The following RAB11FIP3 variants were observed in gnomAD, a reference collection of about 807,000 sequenced individuals.
The protein encoded by RAB11FIP3 is rab11 family-interacting protein 3.
In RAB11FIP3, 17 loss-of-function variants were observed where a neutral mutation model predicts 77.8. The ratio of observed to expected loss-of-function variants is 0.22; its 90% confidence interval spans 0.15 to 0.33. The LOEUF (loss-of-function observed/expected upper bound fraction) is 0.33. RAB11FIP3 is among the 10% of genes least tolerant of loss of function. The pLI is 1.00. For synonymous variants in RAB11FIP3, 437 were observed against 448.2 expected (o/e 0.98, Z 0.31); for missense variants, 1,005 against 1,011.2 (o/e 0.99, Z 0.08).
intron 5 of RAB11FIP3, chr16:491,231 G>C (rs1488974602): frequency 7.7e-7 from 1 of 1,304,760 alleles, no homozygotes; most frequent in Non-Finnish European, 1.0e-6. Flanking sequence ...CCGCCTTGAG[G>C]ATCTTTCTGC....
At chr16:454,413 C>CA (rs1268866067) in intron 1 of RAB11FIP3, among the ~76,000 whole-genome samples, 1 of 152,084 alleles carries the variant, frequency 6.6e-6, no homozygotes, top group East Asian at 1.9e-4. Flanking sequence ...CGCCTCCCTA[C>CA]AAAAAATACA....
intron 4 of RAB11FIP3, among the ~76,000 whole-genome samples, chr16:483,857 C>T (rs2056096719): frequency 6.6e-6 from 1 of 152,072 alleles, no homozygotes; most frequent in African/African-American, 2.4e-5. Flanking sequence ...AAACAACTGC[C>T]AGTCAGAAGA....
intron 4 of RAB11FIP3, among the ~76,000 whole-genome samples, chr16:484,958 C>A (rs2056123644): frequency 6.6e-6 from 1 of 152,128 alleles, no homozygotes; most frequent in Non-Finnish European, 1.5e-5. Context: ...GTGGCCATGT[C>A]TGCTCTCCTG....
chr16:502,895 C>T (rs2141855259), intron 6 of RAB11FIP3, 109 bp from the exon 7 acceptor site: 3 of 887,456 alleles, frequency 3.4e-6, no homozygotes, highest in East Asian at 2.5e-5. Flanking sequence ...GACCTGTCCC[C>T]TGCAATGCTG....
chr16:467,522 G>T (rs1284931592), intron 2 of RAB11FIP3, among the ~76,000 whole-genome samples: 7 of 146,786 alleles, frequency 4.8e-5, no homozygotes, highest in African/African-American at 1.8e-4. Context: ...GGAGGTGCGG[G>T]GGCGTCAGGG....
chr16:442,421 G>T (rs1026835388), intron 1 of RAB11FIP3, among the ~76,000 whole-genome samples: 1 of 152,202 alleles, frequency 6.6e-6, no homozygotes, highest in Admixed American at 6.5e-5. Flanking sequence ...ATTCTGGAGC[G>T]TTATTAGAAC....
Position 503,020 on chromosome 16 carries a change from G to A in RAB11FIP3, c.1318G>A (p.Gly440Arg). The change falls in exon 7 of 14, where the codon GGG (glycine) becomes AGG (arginine). Residue 440 changes from glycine (G) to arginine (R), a missense_variant. Gly to Arg is a moderately radical substitution (Grantham distance 125, BLOSUM62 -2). Transcript: ENST00000262305. ...KKVARYLHQS[G>R]ALTMEALEDP... Reference sequence around the variant, plus strand: ...TTTCTGTAGGTACCTGCACCAGTCAGGGGCCCTGACCATGGAGGCCCTGGA... The same window carrying A: ...TTTCTGTAGGTACCTGCACCAGTCAAGGGCCCTGACCATGGAGGCCCTGGA... 6.2e-7 allele frequency: 1 copy of A among 1,612,656 alleles called. No individual in the cohort carries two copies. Among genetic ancestry groups the A allele is most frequent in the Non-Finnish European group, 8.5e-7 (1 of 1,179,272 alleles).
At chr16:520,702 T>G in intron 13 of RAB11FIP3, 24 bp from the exon 14 acceptor site, 1 of 1,613,136 alleles carries the variant, frequency 6.2e-7, no homozygotes, top group Non-Finnish European at 8.5e-7. Flanking sequence ...GCGCCTCAGC[T>G]CTGACCACCT....
In RAB11FIP3 at chr16:488,961, G is replaced by C; in HGVS notation, c.1226G>C (p.Gly409Ala). The C allele has an allele frequency of 6.2e-7, 1 of 1,613,918 alleles. No homozygotes were observed. The highest frequency in any genetic ancestry group is 8.5e-7 in the Non-Finnish European group (1 of 1,179,984). Residue 409 changes from glycine to alanine, a missense_variant, in exon 5 of 14, where the codon GGG becomes GCG. By Grantham distance (60) the Gly-to-Ala change is moderately conservative (BLOSUM62 0). Around this residue, in one of 4 missense-constraint regions of RAB11FIP3, gnomAD observed 433 missense variants for 436.1 expected, o/e 0.99. Coordinates refer to ENST00000262305, the MANE Select transcript of RAB11FIP3 (RefSeq NM_014700.4). Reference sequence around the variant, plus strand: ...CTGTCCCCAGAGACCCTATGCAACGGGCAGCTGGGCTGCAGTGACCCCGCT... The same window carrying C: ...CTGTCCCCAGAGACCCTATGCAACGCGCAGCTGGGCTGCAGTGACCCCGCT... ...AELSPETLCN[G>A]QLGCSDPAFL...
chr16:499,574 G>A (rs2031372469), intron 6 of RAB11FIP3, among the ~76,000 whole-genome samples: 1 of 152,168 alleles, frequency 6.6e-6, no homozygotes, highest in Non-Finnish European at 1.5e-5. Flanking sequence ...AAGGTGGGTG[G>A]ATCACGAGGT....
chr16:471,359 G>C lies in RAB11FIP3; in HGVS notation c.873G>C (p.Pro291=). The C allele has an allele frequency of 1.2e-6, 2 of 1,613,582 alleles. No individual in the cohort carries two copies. The highest frequency in any genetic ancestry group is 2.7e-5 in the African/African-American group (2 of 75,048). Residue 291 remains proline (P), a synonymous_variant, in exon 3 of 14, where the codon CCG becomes CCC. Coordinates refer to ENST00000262305, the MANE Select transcript of RAB11FIP3 (RefSeq NM_014700.4). This position sits in a 1 kb window ranked among gnomAD's most constrained non-coding sequence, Gnocchi z 4.4. The stretch of plus-strand genomic sequence containing the variant: ...AAGATGAGGAGCCCCTGGCCTGCCC[G>C]GACGAGTTCGATGACTTCGTCACCT... ...SAQDEEPLAC[P]DEFDDFVTYE...
At chr16:519,189 C>T in intron 10 of RAB11FIP3, 165 bp downstream of exon 10, 1 of 681,510 alleles carries the variant, frequency 1.5e-6, no homozygotes, top group Non-Finnish European at 2.5e-6. Flanking sequence ...CTGGACCGTG[C>T]TCCACCCACA....
At chr16:486,076 G>T (rs1471065321) in intron 4 of RAB11FIP3, among the ~76,000 whole-genome samples, 6 of 152,146 alleles carry the variant, frequency 3.9e-5, no homozygotes, top group African/African-American at 1.2e-4. Flanking sequence ...TAATTTTTTT[G>T]TATTTTTGGT....
intron 5 of RAB11FIP3, among the ~76,000 whole-genome samples, chr16:490,343 T>G (rs7193952): frequency 0.56 from 84,830 of 152,002 alleles, 23,944 homozygotes; most frequent in Middle Eastern, 0.65. Context: ...CCACAAAATC[T>G]AACACTGAGT....
Position 425,732 on chromosome 16 carries a change from C to T in RAB11FIP3, c.-275C>T, listed in dbSNP as rs2054926592. On this transcript the variant is annotated 5_prime_UTR_variant, in exon 1 of 14. Transcript: ENST00000262305. Reference sequence around the variant, plus strand: ...CCCCGTCCCCCGGCCTCCTCGGCCCCCGTCCCCCGCCATCCGCCGCCCGGA... The same window carrying T: ...CCCCGTCCCCCGGCCTCCTCGGCCCTCGTCCCCCGCCATCCGCCGCCCGGA... The T allele has an allele frequency of 1.2e-5, 4 of 324,872 alleles. No individual in the cohort carries two copies. The South Asian group carries it at 4.1e-4, about 34-fold the overall frequency. 20.1% of individuals were successfully genotyped at this position (324,872 alleles called of 1,614,324 possible). A position where few individuals can be genotyped will look rare whatever the true frequency, so the allele number is the denominator to read the frequency against.
chr16:458,110 C>T (rs2055533480), intron 1 of RAB11FIP3, among the ~76,000 whole-genome samples: 1 of 152,216 alleles, frequency 6.6e-6, no homozygotes, highest in South Asian at 2.1e-4. Context: ...GGTCCCTTAG[C>T]TGGGGCTGGC....
chr16:511,398 C>T (rs1249759531), intron 9 of RAB11FIP3, among the ~76,000 whole-genome samples: 1 of 119,524 alleles, frequency 8.4e-6, no homozygotes, highest in Non-Finnish European at 1.7e-5. Flanking sequence ...AGGTTCCCGA[C>T]AGCCCGCCAA....
intron 8 of RAB11FIP3, among the ~76,000 whole-genome samples, chr16:510,080 C>T (rs577305820): frequency 5.4e-4 from 75 of 137,828 alleles, no homozygotes; most frequent in Non-Finnish European, 3.4e-4. Context: ...GTGTAGTGGC[C>T]CTGGCACCTC....
intron 4 of RAB11FIP3, 50 bp downstream of exon 4, chr16:482,786 C>A: frequency 6.5e-7 from 1 of 1,527,964 alleles, no homozygotes; most frequent in Non-Finnish European, 8.8e-7. Context: ...ATGTGGCACC[C>A]TGTGGAGGTG....
Sources: gnomAD v4.1 joint callset for allele counts (sites outside exome capture counted in the v4.1 genomes callset) on GRCh38, gnomAD v4.1.1 for gene constraint, gnomAD v4.1.1 regional missense constraint, Gnocchi (gnomAD v3.1) non-coding constraint, MANE v1.5 for transcripts, NCBI Gene and HGNC (gene_info 2026-07-23, HGNC 2026-07-21) for gene names.